Variants in MEGF11 observed in about 807,000 individuals in gnomAD.
The protein encoded by MEGF11 is multiple EGF like domains 11, also known as multiple epidermal growth factor-like domains protein 11.
Under a neutral mutation model 146.6 loss-of-function variants are expected in MEGF11, and 126 were observed. The ratio of observed to expected loss-of-function variants is 0.86; its 90% CI spans 0.74 to 1.00. The LOEUF is 1.00. Ranked by LOEUF, MEGF11 falls within the 50% of genes least tolerant of loss-of-function variation. The pLI is 0.00. For missense variants in MEGF11, 1,509 were observed against 1,521.2 expected (o/e 0.99, Z 0.13); for synonymous variants, 532 against 583.4 (o/e 0.91, Z 1.27).
At chr15:66,224,147 A>G (rs1376732490) in intron 1 of MEGF11, among the ~76,000 whole-genome samples, 2 of 152,206 alleles carry the variant, frequency 1.3e-5, no homozygotes, top group South Asian at 2.1e-4. Flanking sequence ...AGCTCCGCCT[A>G]TTACCAGCTC....
chr15:66,147,299 C>CCAGCAA (rs1302196395), intron 1 of MEGF11, among the ~76,000 whole-genome samples: 3 of 152,226 alleles, frequency 2.0e-5, no homozygotes, highest in Non-Finnish European at 4.4e-5. Flanking sequence ...AGGGCCCTTG[C>CCAGCAA]CAGCCTCCTC....
chr15:66,157,865 T>C (rs887486672), intron 1 of MEGF11, among the ~76,000 whole-genome samples: 2 of 152,168 alleles, frequency 1.3e-5, no homozygotes, highest in Admixed American at 1.3e-4. Flanking sequence ...GTTAAAGTTT[T>C]GTTGCAAAGT....
intron 1 of MEGF11, among the ~76,000 whole-genome samples, chr15:66,161,841 C>G (rs2141078498): frequency 2.6e-5 from 4 of 152,314 alleles, no homozygotes; most frequent in Admixed American, 2.6e-4. Context: ...CACGGAGCAG[C>G]AAGCCAGCAG....
chr15:66,156,559 C>T (rs4776284), intron 1 of MEGF11, among the ~76,000 whole-genome samples: 4 of 151,896 alleles, frequency 2.6e-5, no homozygotes, highest in African/African-American at 9.7e-5. Flanking sequence ...CAGAGCCCGG[C>T]CCCCGAGAGG....
chr15:65,912,326 TC>T, intron 20 of MEGF11, 126 bp from the exon 21 acceptor site: 1 of 486,782 alleles, frequency 2.1e-6, no homozygotes, highest in Non-Finnish European at 3.2e-6. Context: ...AAGTACCCCA[TC>T]CCCCAAGCTT....
chr15:66,122,770 T>TTTTGC (rs1342718990), intron 3 of MEGF11, among the ~76,000 whole-genome samples: 2 of 35,574 alleles, frequency 5.6e-5, no homozygotes, highest in African/African-American at 8.7e-5. Context: ...ATTAAGGCTT[T>TTTTGC]TTTGTTTTGT....
In MEGF11 at chr15:66,244,376, C is replaced by CA. The variant is rs2092263852; in HGVS notation, c.-9+9228dup. On this transcript the variant is annotated intron_variant, in intron 1 of 25. Coordinates refer to ENST00000395614, the MANE Select transcript of MEGF11 (RefSeq NM_001385028.1). Reference sequence around the variant, plus strand: ...ATCTTATCTGTTCCACCAGAAAGCTCAGAGTCCGCTGCTAGAATCTAGAGG... The same window carrying CA: ...ATCTTATCTGTTCCACCAGAAAGCTCAAGAGTCCGCTGCTAGAATCTAGAGG... Among the ~76,000 whole-genome samples, 3 of 152,294 alleles carry CA rather than the reference C, an allele frequency of 2.0e-5. No homozygotes were observed. The South Asian group carries it at 6.2e-4, about 32-fold the overall frequency.
At chr15:66,212,003 T>G (rs2140131306) in intron 1 of MEGF11, among the ~76,000 whole-genome samples, 1 of 306 alleles carries the variant, frequency 3.3e-3, no homozygotes, top group Non-Finnish European at 6.0e-3. Context: ...TCAAAAGCAT[T>G]TAGCTGAGAG....
Position 65,895,461 on chromosome 15 carries a change from T to C in MEGF11, c.*2473A>G, listed in dbSNP as rs764147545. The C allele has an allele frequency of 4.6e-5, 7 of 152,772 alleles. No individual in the cohort carries two copies. Among genetic ancestry groups the C allele is most frequent in the South Asian group, 2.1e-4 (1 of 4,830 alleles). The allele number at this position is 152,772 out of a possible 1,614,324, so 9.5% of individuals were successfully genotyped here. ...TTCATTCATTTTAATTGTACACATA[T>C]TAATTTTTTGAAAATTTAGTTTCTG... On this transcript the variant is annotated 3_prime_UTR_variant, in exon 26 of 26. Coordinates refer to ENST00000395614, the MANE Select transcript of MEGF11 (RefSeq NM_001385028.1).
At chr15:66,248,043 TG>T (rs1204903930) in intron 1 of MEGF11, among the ~76,000 whole-genome samples, 3 of 151,628 alleles carry the variant, frequency 2.0e-5, no homozygotes, top group African/African-American at 7.3e-5. Context: ...TTGCCTGTGG[TG>T]GTTGACTTAG....
chr15:65,919,073 C>T (rs1253500488), intron 15 of MEGF11, among the ~76,000 whole-genome samples: 4 of 152,210 alleles, frequency 2.6e-5, no homozygotes, highest in Admixed American at 2.6e-4. Flanking sequence ...TCTCTCACAT[C>T]TTGGGCTGAA....
intron 5 of MEGF11, among the ~76,000 whole-genome samples, chr15:66,068,869 A>G (rs2140457175): frequency 6.6e-6 from 1 of 152,332 alleles, no homozygotes; most frequent in East Asian, 1.9e-4. Flanking sequence ...AATGAGGCAC[A>G]ATGTATGGGT....
intron 5 of MEGF11, among the ~76,000 whole-genome samples, chr15:66,070,932 T>C (rs919580963): frequency 6.6e-6 from 1 of 152,062 alleles, no homozygotes; most frequent in African/African-American, 2.4e-5. Flanking sequence ...GGGAAAAACA[T>C]GGAATCGAGG....
Position 66,127,848 on chromosome 15 carries a change from C to T in MEGF11, c.98+458G>A, listed in dbSNP as rs1215223179. On this transcript the variant is annotated intron_variant, in intron 2 of 25. Transcript: ENST00000395614. ...GACTGGAAGTAGTGGGACCCCCTCA[C>T]CCGTCCTCCTCAGGGCAGGCTGCTG... Among the ~76,000 whole-genome samples, 5 of 91,820 alleles carry T rather than the reference C, an allele frequency of 5.4e-5. No individual in the cohort carries two copies. In the East Asian group the frequency reaches 1.1e-3, roughly 20 times the overall value. The allele number at this position is 91,820 out of a possible 152,430, so 60.2% of individuals were successfully genotyped here.
intron 1 of MEGF11, among the ~76,000 whole-genome samples, chr15:66,201,238 G>A (rs1597148963): frequency 6.6e-6 from 1 of 152,048 alleles, no homozygotes; most frequent in African/African-American, 2.4e-5. Context: ...TATCCCTCTC[G>A]CCCTGTTCTT....
chr15:66,206,904 A>T (rs995455762), intron 1 of MEGF11, among the ~76,000 whole-genome samples: 19 of 152,294 alleles, frequency 1.2e-4, no homozygotes, highest in African/African-American at 3.4e-4. Context: ...CTTAAAAATT[A>T]AAAAATTCAA....
intron 1 of MEGF11, among the ~76,000 whole-genome samples, chr15:66,227,169 A>T (rs7170773): frequency 6.6e-6 from 1 of 151,874 alleles, no homozygotes; most frequent in Non-Finnish European, 1.5e-5. Context: ...ATAGAAAATA[A>T]GCTGGGGTTC....
chr15:66,144,589 G>A (rs760787589), intron 1 of MEGF11, among the ~76,000 whole-genome samples: 9 of 152,146 alleles, frequency 5.9e-5, no homozygotes, highest in Admixed American at 1.3e-4. Context: ...AGGGAAAGGC[G>A]ACATCACTCT....
At chr15:66,185,785 G>A (rs889909446) in intron 1 of MEGF11, among the ~76,000 whole-genome samples, 2 of 152,186 alleles carry the variant, frequency 1.3e-5, no homozygotes, top group African/African-American at 4.8e-5. Flanking sequence ...GCAGAGCCAG[G>A]GAGCAGGCTT....
Sources: allele counts gnomAD v4.1 joint callset (sites outside exome capture counted in the v4.1 genomes callset), GRCh38; gene constraint gnomAD v4.1.1; transcripts MANE v1.5; gene names NCBI Gene and HGNC (gene_info 2026-07-23, HGNC 2026-07-21).